Variants in KIAA1210 observed in about 807,000 individuals in gnomAD.
The protein encoded by KIAA1210 is KIAA1210.
KIAA1210 carries 48 observed loss-of-function variants against 78.9 expected under a neutral mutation model. That is an observed-to-expected ratio of 0.61 (90% CI 0.48 to 0.77). The LOEUF (loss-of-function observed/expected upper bound fraction) is 0.77, where lower values mean the gene tolerates loss of function less well. KIAA1210 is among the 30% of genes least tolerant of loss of function. The probability of loss-of-function intolerance (pLI) is 0.00; values close to 1 mark genes in which losing one functional copy is unlikely to be tolerated. For synonymous variants in KIAA1210, 406 were observed against 404.5 expected (o/e 1.00, Z -0.04); for missense variants, 1,108 against 1,100.0 (o/e 1.01, Z -0.10).
chrX:119,107,249 TGCCCCTAG>T (rs1927921422), intron 5 of KIAA1210, among the ~76,000 whole-genome samples: 1 of 112,849 alleles, frequency 8.9e-6, no homozygotes, highest in East Asian at 2.8e-4. Context: ...TGAGAAGTAA[TGCCCCTAG>T]AATATTTTCC....
chrX:119,137,970 C>T (rs1928954184), intron 2 of KIAA1210, among the ~76,000 whole-genome samples: 1 of 111,336 alleles, frequency 9.0e-6, no homozygotes. Flanking sequence ...CTGAGAATGG[C>T]AAGGAACAGC....
intron 7 of KIAA1210, among the ~76,000 whole-genome samples, chrX:119,094,851 A>G (rs984089420): frequency 9.0e-5 from 10 of 111,617 alleles, no homozygotes; most frequent in African/African-American, 2.6e-4. Context: ...ATACAGAAAG[A>G]AGAAAGTTAG....
In KIAA1210 at chrX:119,109,286, C is replaced by T; in HGVS notation, c.231-84G>A. 5 of 927,694 alleles carry T rather than the reference C, an allele frequency of 5.4e-6. No individual in the cohort carries two copies. The South Asian group carries it at 7.4e-5, about 14-fold the overall frequency. 76.5% of individuals were successfully genotyped at this position (927,694 alleles called of 1,213,427 possible). Reference sequence around the variant, plus strand: ...AATGTATATTCATAATATGGCCTACCATAGATACCTCAGAAGGAGAGCAGG... The same window carrying T: ...AATGTATATTCATAATATGGCCTACTATAGATACCTCAGAAGGAGAGCAGG... On this transcript the variant is annotated intron_variant, in intron 3 of 11. Transcript: ENST00000691062.
intron 6 of KIAA1210, among the ~76,000 whole-genome samples, chrX:119,098,272 G>A (rs985234442): frequency 9.0e-6 from 1 of 111,718 alleles, no homozygotes; most frequent in Non-Finnish European, 1.9e-5. Context: ...TGTCCATGTG[G>A]CTAGCTCCCC....
chrX:119,129,131 CAGAATAGTGCCT>C (rs1928724932), upstream of KIAA1210, among the ~76,000 whole-genome samples: 1 of 111,846 alleles, frequency 8.9e-6, no homozygotes. Context: ...TCCCAGGACC[CAGAATAGTGCCT>C]AGAATGAAAG....
In KIAA1210 at chrX:119,147,904, G is replaced by A. The variant is rs1929206592; in HGVS notation, c.290-311C>T. 7.1e-5 allele frequency among the ~76,000 whole-genome samples: 8 copies of A among 112,417 alleles called. No homozygotes were observed. In the South Asian group the frequency reaches 2.6e-3, roughly 37 times the overall value. Reference sequence around the variant, plus strand: ...TTCATGCCCGTAATCCCAGGCCAAGGTGAGAGGATCACTTGAGCCCAGGAG... The same window carrying A: ...TTCATGCCCGTAATCCCAGGCCAAGATGAGAGGATCACTTGAGCCCAGGAG... On this transcript the variant is annotated intron_variant, in intron 1 of 13. Coordinates refer to the KIAA1210 transcript ENST00000402510.
chrX:119,104,669 C>T (rs1311829533), intron 6 of KIAA1210, among the ~76,000 whole-genome samples: 3 of 109,841 alleles, frequency 2.7e-5, no homozygotes, highest in African/African-American at 7.0e-5. Context: ...TATGTCCTAA[C>T]CTCTGATTTT....
upstream of KIAA1210, among the ~76,000 whole-genome samples, chrX:119,132,696 T>C (rs1928822065): frequency 9.0e-6 from 1 of 111,650 alleles, no homozygotes; most frequent in South Asian, 3.8e-4. Context: ...AATGGCATAA[T>C]CATAGTTCAC....
At chrX:119,083,998 CAAAAAAA>C (rs751363845) in intron 10 of KIAA1210, among the ~76,000 whole-genome samples, 12 of 16,961 alleles carry the variant, frequency 7.1e-4, no homozygotes, top group South Asian at 0.013. Flanking sequence ...GAACCTGTCT[CAAAAAAA>C]AAAAAAAAAA....
In KIAA1210 at chrX:119,086,922, A is replaced by G; in HGVS notation, c.3780T>C (p.Pro1260=). 2 of 1,211,622 alleles carry G rather than the reference A, an allele frequency of 1.7e-6. No individual in the cohort carries two copies. Among genetic ancestry groups the G allele is most frequent in the Non-Finnish European group, 2.2e-6 (2 of 895,405 alleles). Residue 1260 remains proline (P), a synonymous_variant, in exon 9 of 12, where the codon CCT becomes CCC. Coordinates refer to ENST00000691062, the MANE Select transcript of KIAA1210 (RefSeq NM_001394962.1). ...CCCCAGAAGTGGATGTTTGCCTGAC[A>G]GGAGCAATGGTGAACTTCCCAGGTT... ...ATKPGKFTIA[P]VRQTSTSGGI...
At chrX:119,127,558 C>T (rs1303449998) in intron 1 of KIAA1210, among the ~76,000 whole-genome samples, 169 bp downstream of exon 1, 1 of 111,060 alleles carries the variant, frequency 9.0e-6, no homozygotes, top group Non-Finnish European at 1.9e-5. Flanking sequence ...TTGACAACAC[C>T]ACCATCAACC....
intron 6 of KIAA1210, among the ~76,000 whole-genome samples, chrX:119,100,595 G>A (rs1235955685): frequency 1.8e-5 from 2 of 111,709 alleles, no homozygotes; most frequent in African/African-American, 6.5e-5. Flanking sequence ...GGGTAGAAGC[G>A]TAGCTTATTA....
At position 119,108,383 on chromosome X, in the gene KIAA1210, T is replaced by C; in HGVS notation, c.446A>G (p.Asn149Ser). 6 of 1,210,792 alleles carry C rather than the reference T, an allele frequency of 5.0e-6. No homozygotes were observed. The highest frequency in any genetic ancestry group is 1.7e-5 in the African/African-American group (1 of 57,590). The stretch of plus-strand genomic sequence containing the variant: ...AACCCAGACTGCACTTGTAGGCACA[T>C]TTTGAAGCACAGCTCCTGACATGGC... Reference protein sequence around the residue: ...SGAMSGAVLQNVPTSAVWVAG... With the variant: ...SGAMSGAVLQSVPTSAVWVAG... Residue 149 changes from asparagine (N) to serine (S), a missense_variant, in exon 5 of 12, where the codon AAT becomes AGT. Transcript: ENST00000691062.
intron 3 of KIAA1210, among the ~76,000 whole-genome samples, chrX:119,111,962 G>A (rs771611750): frequency 9.0e-6 from 1 of 111,399 alleles, no homozygotes; most frequent in Admixed American, 9.5e-5. Flanking sequence ...CAAATTTCAT[G>A]TCAAATTGTA....
At chrX:119,114,936 C>T (rs1242230762) in intron 3 of KIAA1210, among the ~76,000 whole-genome samples, 1 of 112,356 alleles carries the variant, frequency 8.9e-6, no homozygotes, top group African/African-American at 3.2e-5. Context: ...ATTATTACAA[C>T]AGCACTCATT....
At chrX:119,096,426 G>T in intron 7 of KIAA1210, 68 bp downstream of exon 7, 1 of 972,071 alleles carries the variant, frequency 1.0e-6, no homozygotes, top group Non-Finnish European at 1.4e-6. Flanking sequence ...CCTAGTAGTA[G>T]TTTGCAAAGG....
Position 119,079,324 on chromosome X carries a change from C to G in KIAA1210, c.*2005G>C, listed in dbSNP as rs1926864833. The G allele has an allele frequency of 1.8e-5, 2 of 111,805 alleles. No homozygotes were observed. The highest frequency in any genetic ancestry group is 6.5e-5 in the African/African-American group (2 of 30,728). The allele number at this position is 111,805 out of a possible 1,213,427, so 9.2% of individuals were successfully genotyped here. A position where few individuals can be genotyped will look rare whatever the true frequency, so the allele number is the denominator to read the frequency against. ...CAGCACAGTGTAACAGAGGCAGACA[C>G]AGTGATAACTACTCAGAAGTCACTT... On this transcript the variant is annotated 3_prime_UTR_variant, in exon 12 of 12. Coordinates refer to ENST00000691062, the MANE Select transcript of KIAA1210 (RefSeq NM_001394962.1).
chrX:119,089,099 C>G lies in KIAA1210; in HGVS notation c.1603G>C (p.Asp535His), dbSNP rs374027596. ...QLEDQEAFSF[D>H]LQKAQSKMES... ...ATTTTGGATTGGGCCTTTTGTAAATCAAAGCTGAAAGCTTCTTGATCTTCT... is the reference window on the plus strand; with the variant it reads ...ATTTTGGATTGGGCCTTTTGTAAATGAAAGCTGAAAGCTTCTTGATCTTCT... Residue 535 changes from aspartate to histidine, a missense_variant, in exon 9 of 12, where the codon GAT becomes CAT. Asp to His is a moderately conservative substitution (Grantham distance 81). Transcript: ENST00000691062. 30 of 1,211,840 alleles carry G rather than the reference C, an allele frequency of 2.5e-5. No homozygotes were observed. Among genetic ancestry groups the G allele is most frequent in the Non-Finnish European group, 1.7e-5 (15 of 895,425 alleles).
chrX:119,100,261 T>G (rs1603267091), intron 6 of KIAA1210, among the ~76,000 whole-genome samples: 1 of 86,920 alleles, frequency 1.2e-5, no homozygotes. Flanking sequence ...ACCCGGGAGG[T>G]GGAGGTTGCA....
Sources: gnomAD v4.1 joint callset for allele counts (sites outside exome capture counted in the v4.1 genomes callset) on GRCh38, gnomAD v4.1.1 for gene constraint, MANE v1.5 for transcripts, NCBI Gene and HGNC (gene_info 2026-07-23, HGNC 2026-07-21) for gene names.